MED15: variants seen among roughly 807,000 people sequenced by gnomAD.
The protein encoded by MED15 is mediator complex subunit 15, also known as mediator of RNA polymerase II transcription subunit 15.
In MED15, 41 loss-of-function variants were observed where a neutral mutation model predicts 118.7. The observed-to-expected ratio is 0.35, with a 90% CI of 0.27 to 0.45. The LOEUF (loss-of-function observed/expected upper bound fraction) is 0.45, where lower values mean the gene tolerates loss of function less well. Among genes scored for constraint, MED15 ranks in the 20% least tolerant of loss-of-function variants. The probability of loss-of-function intolerance (pLI) is 1.00; values close to 1 mark genes in which losing one functional copy is unlikely to be tolerated. For synonymous variants in MED15, 436 were observed against 413.9 expected (o/e 1.05, Z -0.65); for missense variants, 740 against 1,025.5 (o/e 0.72, Z 3.80).
At chr22:20,518,102 C>CGACATTGACGTGAGGGACTGCCAT (rs58654461) in intron 1 of MED15, among the ~76,000 whole-genome samples, 10 of 152,230 alleles carry the variant, frequency 6.6e-5, no homozygotes, top group African/African-American at 2.4e-4. Context: ...CATAATGCGT[C>CGACATTGACGTGAGGGACTGCCAT]AACATCGACA....
intron 1 of MED15, among the ~76,000 whole-genome samples, chr22:20,510,084 A>G (rs562801218): frequency 6.6e-6 from 1 of 152,220 alleles, no homozygotes; most frequent in African/African-American, 2.4e-5. Context: ...CAAGTTTAGC[A>G]TCTTAAAACA....
intron 3 of MED15, chr22:20,552,436 T>C (rs2055816455): frequency 3.0e-6 from 1 of 338,004 alleles, no homozygotes; most frequent in Non-Finnish European, 6.2e-6. Context: ...CTGATCTCAC[T>C]CTCTGTGGTG....
chr22:20,575,258 A>G, intron 9 of MED15, 26 bp downstream of exon 9: 1 of 1,610,138 alleles, frequency 6.2e-7, no homozygotes, highest in Non-Finnish European at 8.5e-7. Context: ...CGCCCAGGGC[A>G]CGGCTGGGAG....
At chr22:20,553,496 T>C (rs1184990158) in intron 4 of MED15, among the ~76,000 whole-genome samples, 2 of 152,246 alleles carry the variant, frequency 1.3e-5, no homozygotes, top group Non-Finnish European at 2.9e-5. Flanking sequence ...ATTATTATGC[T>C]GTTTTCAGTG....
At chr22:20,541,378 AG>A (rs2055303870) in intron 2 of MED15, among the ~76,000 whole-genome samples, 2 of 152,266 alleles carry the variant, frequency 1.3e-5, no homozygotes, top group Admixed American at 1.3e-4. Context: ...ACTAGTCATT[AG>A]GGGATTGCAA....
At chr22:20,565,577 G>T (rs544294649) in intron 6 of MED15, among the ~76,000 whole-genome samples, 1 of 152,120 alleles carries the variant, frequency 6.6e-6, no homozygotes, top group Non-Finnish European at 1.5e-5. Flanking sequence ...AGCCCCAAAG[G>T]GCCCCACCAC....
At chr22:20,530,849 C>T (rs1489691689) in intron 1 of MED15, among the ~76,000 whole-genome samples, 1 of 152,144 alleles carries the variant, frequency 6.6e-6, no homozygotes, top group African/African-American at 2.4e-5. Context: ...GCTGCACATG[C>T]TCATTGGGCC....
chr22:20,552,459 T>G, intron 3 of MED15: 1 of 358,566 alleles, frequency 2.8e-6, no homozygotes, highest in Non-Finnish European at 5.8e-6. Flanking sequence ...GGAAAGTCAC[T>G]GGGATGTGTA....
At chr22:20,563,472 A>G (rs546954752) in intron 5 of MED15, among the ~76,000 whole-genome samples, 1 of 152,316 alleles carries the variant, frequency 6.6e-6, no homozygotes, top group Non-Finnish European at 1.5e-5. Flanking sequence ...AAATGACAAA[A>G]TTTTAGAAAT....
In MED15 at chr22:20,575,185, G is replaced by A. The variant is rs777244306; in HGVS notation, c.1225G>A (p.Ala409Thr). 10 of 1,613,968 alleles carry A rather than the reference G, an allele frequency of 6.2e-6. No individual in the cohort carries two copies. Among genetic ancestry groups the A allele is most frequent in the East Asian group, 2.2e-5 (1 of 44,906 alleles). The stretch of plus-strand genomic sequence containing the variant: ...GTTCCCGCCTACCACCGCTGTGTCC[G>A]CCATCCCGTCAAGCTCCATCCCTTT... The part of the protein sequence containing the change: ...ARFPPTTAVS[A>T]IPSSSIPLGR... Residue 409 changes from alanine (A) to threonine (T), a missense_variant, in exon 9 of 18, where the codon GCC (alanine) becomes ACC (threonine). Around this residue, in one of 7 missense-constraint regions of MED15, gnomAD observed 384 missense variants for 506.3 expected, o/e 0.76. Coordinates refer to ENST00000263205, the MANE Select transcript of MED15 (RefSeq NM_001003891.3).
chr22:20,553,322 C>T, intron 4 of MED15, 148 bp downstream of exon 4: 1 of 778,884 alleles, frequency 1.3e-6, no homozygotes, highest in Non-Finnish European at 2.1e-6. Flanking sequence ...GGAGGCTGAC[C>T]AGCTGTGCCC....
At chr22:20,575,311 T>A in intron 9 of MED15, 79 bp downstream of exon 9, 1 of 1,521,474 alleles carries the variant, frequency 6.6e-7, no homozygotes, top group East Asian at 2.3e-5. Context: ...GCACCTGTCA[T>A]TATCATCGCC....
intron 2 of MED15, among the ~76,000 whole-genome samples, chr22:20,537,660 C>T (rs764387666): frequency 1.3e-5 from 2 of 152,232 alleles, no homozygotes; most frequent in African/African-American, 4.8e-5. Context: ...ATCTAGAACT[C>T]GCCACAGGTG....
intron 8 of MED15, among the ~76,000 whole-genome samples, chr22:20,569,180 G>A (rs976186631): frequency 3.3e-5 from 5 of 152,290 alleles, no homozygotes; most frequent in African/African-American, 1.2e-4. Flanking sequence ...ATGTGTGTGT[G>A]TCTCTGTGTG....
rs2056439456 is a variant in MED15 at position 20,566,382 on chromosome 22, TC to T, written c.691-83del. 2.9e-5 allele frequency: 45 copies of T among 1,569,114 alleles called. No homozygotes were observed. In the South Asian group the frequency reaches 4.5e-4, roughly 16 times the overall value. ...GGCTCTGCAGATGGCCACCTGGGCT[TC>T]CTGAGGCCCAGACTGTCACAGGGAG... On this transcript the variant is annotated intron_variant, in intron 6 of 17. Coordinates refer to ENST00000263205, the MANE Select transcript of MED15 (RefSeq NM_001003891.3).
At chr22:20,508,322 G>A in intron 1 of MED15, 1 of 1,303,958 alleles carries the variant, frequency 7.7e-7, no homozygotes. Context: ...GGAGGAGAGC[G>A]TGAAGAGCTG....
At chr22:20,584,546 C>T in intron 14 of MED15, 121 bp downstream of exon 14, 1 of 1,203,500 alleles carries the variant, frequency 8.3e-7, no homozygotes, top group South Asian at 1.3e-5. Context: ...GACCTTGGAC[C>T]CTGCCCACGA....
Position 20,568,533 on chromosome 22 carries a change from A to G in MED15, c.1054A>G (p.Met352Val). The part of the protein sequence containing the change: ...QPPLKFVRAP[M>V]VVQQPPVQPQ... Reference sequence around the variant, plus strand: ...TTTCTCCCTCAAGGTCCGAGCTCCGATGGTGGTGCAGCAGCCCCCAGTGCA... The same window carrying G: ...TTTCTCCCTCAAGGTCCGAGCTCCGGTGGTGGTGCAGCAGCCCCCAGTGCA... Residue 352 changes from methionine (M) to valine (V), a missense_variant, in exon 8 of 18, where the codon ATG (methionine) becomes GTG (valine). Met to Val is a conservative substitution (Grantham distance 21, BLOSUM62 1). This residue lies in a region of MED15 where 384 missense variants were observed against 506.3 expected (regional missense o/e 0.76). Coordinates refer to ENST00000263205, the MANE Select transcript of MED15 (RefSeq NM_001003891.3). 1 of 1,613,672 alleles carries G rather than the reference A, an allele frequency of 6.2e-7. No individual in the cohort carries two copies. The highest frequency in any genetic ancestry group is 8.5e-7 in the Non-Finnish European group (1 of 1,179,998).
Position 20,586,661 on chromosome 22 carries a change from C to A in MED15, c.2324C>A (p.Thr775Asn), listed in dbSNP as rs751126196. ...DKHSVTALLN[T>N]WAQSVHQACL... ...CACTCGGTCACCGCCTTGCTCAACA[C>A]CTGGGCCCAGAGCGTCCACCAGGCC... Residue 775 changes from threonine to asparagine, a missense_variant, in exon 18 of 18, where the codon ACC (threonine) becomes AAC (asparagine). Coordinates refer to ENST00000263205, the MANE Select transcript of MED15 (RefSeq NM_001003891.3). The A allele has an allele frequency of 3.1e-6, 5 of 1,612,854 alleles. No homozygotes were observed. Among genetic ancestry groups the A allele is most frequent in the Non-Finnish European group, 4.2e-6 (5 of 1,179,980 alleles).
Sources: allele counts gnomAD v4.1 joint callset (sites outside exome capture counted in the v4.1 genomes callset), GRCh38; gene constraint gnomAD v4.1.1; regional missense constraint gnomAD v4.1.1; transcripts MANE v1.5; gene names NCBI Gene and HGNC (gene_info 2026-07-23, HGNC 2026-07-21).